The following CNNM2 variants were observed in gnomAD, a reference collection of about 807,000 sequenced individuals.
CNNM2 encodes the protein cyclin and CBS domain divalent metal cation transport mediator 2, also known as metal transporter CNNM2.
Under a neutral mutation model 66.9 loss-of-function variants are expected in CNNM2, and 12 were observed. That is an observed-to-expected ratio of 0.18 (90% CI 0.11 to 0.29). The LOEUF (loss-of-function observed/expected upper bound fraction) is 0.29. Among genes scored for constraint, CNNM2 ranks in the 10% least tolerant of loss-of-function variants. The probability of loss-of-function intolerance (pLI) is 1.00; values close to 1 mark genes in which losing one functional copy is unlikely to be tolerated. For synonymous variants in CNNM2, 557 were observed against 501.8 expected, an observed-to-expected ratio of 1.11 and a Z score of -1.47; for missense variants, 705 against 1,167.7, an observed-to-expected ratio of 0.60 and a Z score of 5.77.
chr10:102,994,733 T>C (rs773949099), intron 1 of CNNM2, among the ~76,000 whole-genome samples: 17 of 152,258 alleles, frequency 1.1e-4, no homozygotes, highest in Non-Finnish European at 2.5e-4. Context: ...CTGATACCCG[T>C]GACACTAGTT....
intron 2 of CNNM2, among the ~76,000 whole-genome samples, chr10:103,053,226 G>A (rs1320044985): frequency 6.6e-6 from 1 of 152,190 alleles, no homozygotes; most frequent in Admixed American, 6.5e-5. Flanking sequence ...TAAAATTGTT[G>A]CAAAATGGCT....
At chr10:103,028,829 T>TTTTTTTTTTTTTTTTC (rs2064764044) in intron 1 of CNNM2, among the ~76,000 whole-genome samples, 3 of 19,880 alleles carry the variant, frequency 1.5e-4, no homozygotes, top group Non-Finnish European at 3.4e-4. Flanking sequence ...TTTTTTTTTC[T>TTTTTTTTTTTTTTTTC]TTTTTTTTTT....
At chr10:102,984,675 T>G (rs538177183) in intron 1 of CNNM2, among the ~76,000 whole-genome samples, 1 of 152,322 alleles carries the variant, frequency 6.6e-6, no homozygotes, top group African/African-American at 2.4e-5. Context: ...CTATCTTATT[T>G]TTTTGAGACG....
chr10:103,033,242 A>G (rs979909495), intron 1 of CNNM2, among the ~76,000 whole-genome samples: 2 of 152,108 alleles, frequency 1.3e-5, no homozygotes, highest in Non-Finnish European at 2.9e-5. Flanking sequence ...AGGCTGGAGT[A>G]CAATGGCATG....
At chr10:103,034,392 C>A (rs147150101) in intron 1 of CNNM2, among the ~76,000 whole-genome samples, 3 of 151,698 alleles carry the variant, frequency 2.0e-5, no homozygotes, top group Non-Finnish European at 2.9e-5. Context: ...GTTTAAAAAC[C>A]GACCTCATTC....
rs796393539 is a variant in CNNM2, at chr10:103,052,291, C to CA, written c.1766-2025dup. Among the ~76,000 whole-genome samples, 6,243 of 131,082 alleles carry CA rather than the reference C, an allele frequency of 0.048. 415 individuals are homozygous for CA. The highest frequency in any genetic ancestry group is 0.16 in the African/African-American group (5,643 of 36,402). The allele number at this position is 131,082 out of a possible 152,430, so 86.0% of individuals were successfully genotyped here. A position where few individuals can be genotyped will look rare whatever the true frequency, so the allele number is the denominator to read the frequency against. ...TGAGAATCCGTCTCAAAAAAAAAAACAAAAAAAAAAAAACCCAAACCGAGT... is the reference window on the plus strand; with the variant it reads ...TGAGAATCCGTCTCAAAAAAAAAAACAAAAAAAAAAAAAACCCAAACCGAGT... On this transcript the variant is annotated intron_variant, in intron 2 of 7. Coordinates refer to ENST00000369878, the MANE Select transcript of CNNM2 (RefSeq NM_017649.5).
intron 1 of CNNM2, among the ~76,000 whole-genome samples, chr10:102,968,912 T>C (rs1229062853): frequency 1.1e-5 from 1 of 90,606 alleles, no homozygotes; most frequent in Non-Finnish European, 2.6e-5. Context: ...AGTGCTGTCT[T>C]TTTTTTTTTT....
Position 102,919,535 on chromosome 10 carries a change from T to C in CNNM2, c.1055T>C (p.Ile352Thr). The C allele has an allele frequency of 6.2e-7, 1 of 1,613,376 alleles. No homozygotes were observed. Among genetic ancestry groups the C allele is most frequent in the Non-Finnish European group, 8.5e-7 (1 of 1,180,042 alleles). ...GCCGTGGTAGTCTCCACCATCGGTA[T>C]CGTCATCTTCGGAGAGATCGTGCCC... ...LVAVVVSTIG[I>T]VIFGEIVPQA... Residue 352 changes from isoleucine to threonine, a missense_variant, in exon 1 of 8, where the codon ATC becomes ACC. Coordinates refer to ENST00000369878, the MANE Select transcript of CNNM2 (RefSeq NM_017649.5).
chr10:103,062,888 G>A (rs1329112903), intron 4 of CNNM2, among the ~76,000 whole-genome samples: 1 of 152,234 alleles, frequency 6.6e-6, no homozygotes, highest in Non-Finnish European at 1.5e-5. Flanking sequence ...TTAATGTGCA[G>A]AGGATTCACC....
intron 1 of CNNM2, among the ~76,000 whole-genome samples, chr10:102,977,752 C>T (rs865987231): frequency 1.3e-5 from 2 of 151,834 alleles, no homozygotes; most frequent in South Asian, 2.1e-4. Context: ...ACTCTGGAGG[C>T]GGAGGTTGCA....
At chr10:103,029,900 A>T (rs1015620414) in intron 1 of CNNM2, among the ~76,000 whole-genome samples, 3 of 152,034 alleles carry the variant, frequency 2.0e-5, no homozygotes, top group African/African-American at 7.2e-5. Flanking sequence ...GGAGAGTGAG[A>T]TAGTTATTAA....
intron 1 of CNNM2, among the ~76,000 whole-genome samples, chr10:102,974,725 C>T (rs993050193): frequency 6.6e-6 from 1 of 152,022 alleles, no homozygotes; most frequent in African/African-American, 2.4e-5. Context: ...TTCATACAGG[C>T]AGGGTCTCAC....
At chr10:103,057,015 C>T in intron 4 of CNNM2, 51 bp downstream of exon 4, 1 of 1,563,920 alleles carries the variant, frequency 6.4e-7, no homozygotes, top group Non-Finnish European at 8.7e-7. Flanking sequence ...ATCCATCTTT[C>T]AGTTTGGTGT....
chr10:102,932,850 A>G (rs1846111821), intron 1 of CNNM2, among the ~76,000 whole-genome samples: 1 of 151,424 alleles, frequency 6.6e-6, no homozygotes, highest in Admixed American at 6.6e-5. Flanking sequence ...CCAAGAGGTC[A>G]AGGTTGCAAT....
intron 1 of CNNM2, among the ~76,000 whole-genome samples, chr10:103,036,327 C>T (rs1206045755): frequency 2.0e-5 from 3 of 152,194 alleles, no homozygotes; most frequent in Non-Finnish European, 4.4e-5. Flanking sequence ...TTCAGAAAGT[C>T]TTAAGGCCCG....
At position 103,007,841 on chromosome 10, in the gene CNNM2, A is replaced by T. The variant is rs966188027; in HGVS notation, c.1622-41866A>T. Among the ~76,000 whole-genome samples, 9 of 152,364 alleles carry T rather than the reference A, an allele frequency of 5.9e-5. No homozygotes were observed. In the East Asian group the frequency reaches 1.7e-3, roughly 29 times the overall value. ...GGTGACGTACATCCTCAGCTTATGAAGATAACAGGATTAAGAGATTAAAAT... is the reference window on the plus strand; with the variant it reads ...GGTGACGTACATCCTCAGCTTATGATGATAACAGGATTAAGAGATTAAAAT... On this transcript the variant is annotated intron_variant, in intron 1 of 7. Coordinates refer to ENST00000369878, the MANE Select transcript of CNNM2 (RefSeq NM_017649.5).
At chr10:102,937,384 A>G (rs1846276086) in intron 1 of CNNM2, among the ~76,000 whole-genome samples, 1 of 150,572 alleles carries the variant, frequency 6.6e-6, no homozygotes, top group Non-Finnish European at 1.5e-5. Context: ...AAAAAAAAAA[A>G]TGTTTTGTTA....
At chr10:102,954,584 A>G (rs979984706) in intron 1 of CNNM2, among the ~76,000 whole-genome samples, 8 of 152,140 alleles carry the variant, frequency 5.3e-5, no homozygotes, top group Non-Finnish European at 7.3e-5. Flanking sequence ...GCTGCTAGGC[A>G]TTTGTGGACA....
intron 1 of CNNM2, among the ~76,000 whole-genome samples, chr10:102,956,402 G>A (rs949758633): frequency 1.3e-5 from 2 of 151,852 alleles, no homozygotes; most frequent in East Asian, 3.9e-4. Context: ...TATTGTGGAA[G>A]ACAGTGTGGT....
Sources: gnomAD v4.1 joint callset for allele counts (sites outside exome capture counted in the v4.1 genomes callset) on GRCh38, gnomAD v4.1.1 for gene constraint, MANE v1.5 for transcripts, NCBI Gene and HGNC (gene_info 2026-07-23, HGNC 2026-07-21) for gene names.